The following WARS2 variants were observed in gnomAD, a reference collection of about 807,000 sequenced individuals.
WARS2 encodes the protein tryptophanyl tRNA synthetase 2, mitochondrial, also known as tryptophan--tRNA ligase, mitochondrial.
A neutral mutation model predicts 36.5 loss-of-function variants in WARS2; 28 were observed. That is an observed-to-expected ratio of 0.77 (90% CI 0.57 to 1.05). The LOEUF (loss-of-function observed/expected upper bound fraction) is 1.05. WARS2 is among the 50% of genes least tolerant of loss of function. WARS2 has a pLI of 0.00. For missense variants in WARS2, 435 were observed against 456.8 expected (o/e 0.95, Z 0.44); for synonymous variants, 174 against 178.4 (o/e 0.98, Z 0.20).
intron 4 of WARS2, among the ~76,000 whole-genome samples, chr1:119,040,735 A>G (rs982682793): frequency 1.3e-5 from 2 of 152,228 alleles, no homozygotes; most frequent in African/African-American, 4.8e-5. Flanking sequence ...TGCCTGGCCT[A>G]TATTTCATTT....
At chr1:119,083,268 T>A (rs188862021) in intron 1 of WARS2, among the ~76,000 whole-genome samples, 3,723 of 151,618 alleles carry the variant, frequency 0.025, 64 homozygotes, top group Non-Finnish European at 0.036. Flanking sequence ...TTAGAGAAAG[T>A]ATACACTGTT....
chr1:119,045,734 A>G, intron 2 of WARS2, 72 bp from the exon 3 acceptor site: 1 of 1,217,124 alleles, frequency 8.2e-7, no homozygotes. Context: ...CTAAGTAGTA[A>G]GTATTACCCT....
chr1:119,093,700 C>T (rs766522718), intron 1 of WARS2, among the ~76,000 whole-genome samples: 15 of 152,134 alleles, frequency 9.9e-5, no homozygotes, highest in Non-Finnish European at 1.0e-4. Context: ...GACTGCTAGC[C>T]TCCAGAACTG....
chr1:119,130,449 T>G (rs1457547809), intron 1 of WARS2, among the ~76,000 whole-genome samples: 1 of 152,092 alleles, frequency 6.6e-6, no homozygotes, highest in Admixed American at 6.6e-5. Context: ...AGGGCCAGAG[T>G]GACAATAAAA....
intron 1 of WARS2, among the ~76,000 whole-genome samples, chr1:119,087,542 T>C (rs1652762469): frequency 6.6e-6 from 1 of 152,180 alleles, no homozygotes; most frequent in Admixed American, 6.5e-5. Context: ...AACAGCATGA[T>C]TTCAGCTGTA....
At chr1:119,040,408 T>G (rs1648249738) in intron 4 of WARS2, among the ~76,000 whole-genome samples, 2 of 152,228 alleles carry the variant, frequency 1.3e-5, no homozygotes, top group African/African-American at 2.4e-5. Flanking sequence ...AGAGGACTCT[T>G]CCATTACAGC....
intron 1 of WARS2, among the ~76,000 whole-genome samples, chr1:119,132,745 T>C (rs587744446): frequency 1.7e-4 from 26 of 152,324 alleles, no homozygotes; most frequent in African/African-American, 4.3e-4. Flanking sequence ...CTTTGTTTGA[T>C]GTATAAAATG....
chr1:119,078,184 T>C (rs1055443371), intron 1 of WARS2, among the ~76,000 whole-genome samples: 2 of 152,222 alleles, frequency 1.3e-5, no homozygotes, highest in African/African-American at 4.8e-5. Flanking sequence ...TACTAGCTAC[T>C]ATGCTTTGCT....
intron 1 of WARS2, among the ~76,000 whole-genome samples, chr1:119,121,990 T>C (rs1194843140): frequency 6.6e-6 from 1 of 152,110 alleles, no homozygotes; most frequent in Non-Finnish European, 1.5e-5. Context: ...AGGCAAAGAA[T>C]TCATGAGCAA....
At chr1:119,052,725 AC>A (rs1201837393) in intron 2 of WARS2, among the ~76,000 whole-genome samples, 1 of 152,204 alleles carries the variant, frequency 6.6e-6, no homozygotes, top group Non-Finnish European at 1.5e-5. Context: ...GCTAGGCTAT[AC>A]AGGGTAACAG....
At chr1:119,096,831 C>T (rs1048466029) in intron 1 of WARS2, among the ~76,000 whole-genome samples, 3 of 152,042 alleles carry the variant, frequency 2.0e-5, no homozygotes, top group Non-Finnish European at 4.4e-5. Flanking sequence ...ATTTCAAACA[C>T]GTGGTTTGAA....
chr1:119,101,727 A>C (rs1317200299), intron 1 of WARS2, among the ~76,000 whole-genome samples: 1 of 152,174 alleles, frequency 6.6e-6, no homozygotes, highest in Non-Finnish European at 1.5e-5. Context: ...GGAGATCTGA[A>C]CTATCTCAAA....
At chr1:119,041,530 A>T (rs918331334) in intron 4 of WARS2, among the ~76,000 whole-genome samples, 2 of 152,116 alleles carry the variant, frequency 1.3e-5, no homozygotes, top group Admixed American at 6.5e-5. Flanking sequence ...CTTGCTCTCA[A>T]CCTGTAGGTC....
chr1:119,109,806 G>A (rs181582426), intron 1 of WARS2, among the ~76,000 whole-genome samples: 1 of 150,530 alleles, frequency 6.6e-6, no homozygotes, highest in Non-Finnish European at 1.5e-5. Context: ...CCTTTTTTTT[G>A]TTCTTATTTT....
Position 119,086,057 on chromosome 1 carries a change from G to A in WARS2, c.91-9450C>T, listed in dbSNP as rs979344993. 1.2e-4 allele frequency: 155 copies of A among 1,253,406 alleles called. 3 individuals carry two copies. In the South Asian group the frequency reaches 2.2e-3, roughly 18 times the overall value. The allele number at this position is 1,253,406 out of a possible 1,614,324, so 77.6% of individuals were successfully genotyped here. On this transcript the variant is annotated intron_variant, in intron 1 of 5. Transcript: ENST00000235521. ...AAATTTCTCGTAGAGGCAAGGTCTT[G>A]CTATCTTGCCCAGATTGGTCTCAAA...
At chr1:119,128,577 C>G in intron 1 of WARS2, among the ~76,000 whole-genome samples, 1 of 141,658 alleles carries the variant, frequency 7.1e-6, no homozygotes, top group East Asian at 2.1e-4. Flanking sequence ...CCACCACCCA[C>G]CCACTCCCAC....
At chr1:119,072,297 G>A (rs1651386372) in intron 2 of WARS2, among the ~76,000 whole-genome samples, 1 of 152,154 alleles carries the variant, frequency 6.6e-6, no homozygotes, top group African/African-American at 2.4e-5. Flanking sequence ...ACGGGCAGTA[G>A]GTAAGCACAG....
At chr1:119,038,622 T>C (rs774473409) in intron 4 of WARS2, among the ~76,000 whole-genome samples, 7 of 152,146 alleles carry the variant, frequency 4.6e-5, no homozygotes, top group Non-Finnish European at 7.4e-5. Context: ...GCCTGCAGTT[T>C]CTTGAGGCCT....
intron 2 of WARS2, among the ~76,000 whole-genome samples, chr1:119,055,617 C>A (rs988682071): frequency 3.5e-4 from 53 of 150,948 alleles, no homozygotes; most frequent in Non-Finnish European, 4.4e-5. Context: ...ACTCCAGCCT[C>A]AGCAATAGAG....
Sources: allele counts gnomAD v4.1 joint callset (sites outside exome capture counted in the v4.1 genomes callset), GRCh38; gene constraint gnomAD v4.1.1; transcripts MANE v1.5; gene names NCBI Gene and HGNC (gene_info 2026-07-23, HGNC 2026-07-21).